The following PIGS variants were observed in gnomAD, a reference collection of about 807,000 sequenced individuals.
PIGS encodes the protein phosphatidylinositol glycan anchor biosynthesis class S.
PIGS carries 37 observed loss-of-function variants against 58.2 expected under a neutral mutation model. The observed-to-expected ratio is 0.64, with a 90% CI of 0.49 to 0.84. PIGS has a LOEUF of 0.84. Among genes scored for constraint, PIGS ranks in the 40% least tolerant of loss-of-function variants. PIGS has a pLI of 0.00. For synonymous variants in PIGS, 269 were observed against 289.2 expected (o/e 0.93, Z 0.71); for missense variants, 629 against 710.8 (o/e 0.88, Z 1.31).
At chr17:28,559,738 T>A (rs1421491312) in intron 7 of PIGS, among the ~76,000 whole-genome samples, 1 of 149,336 alleles carries the variant, frequency 6.7e-6, no homozygotes, top group African/African-American at 2.5e-5. Flanking sequence ...GTCATGGCAT[T>A]AACATCTAAG....
chr17:28,562,774 T>C (rs2070371345), intron 5 of PIGS, among the ~76,000 whole-genome samples: 1 of 149,736 alleles, frequency 6.7e-6, no homozygotes, highest in African/African-American at 2.5e-5. Flanking sequence ...TGCAATGGCA[T>C]GATATTAGCT....
rs766480312 is a variant in PIGS, at chr17:28,554,194, G to A, written c.*26C>T. 2 of 1,609,072 alleles carry A rather than the reference G, an allele frequency of 1.2e-6. No individual in the cohort carries two copies. The highest frequency in any genetic ancestry group is 2.2e-5 in the East Asian group (1 of 44,818). On this transcript the variant is annotated 3_prime_UTR_variant, in exon 12 of 12. Coordinates refer to ENST00000308360, the MANE Select transcript of PIGS (RefSeq NM_033198.4). The stretch of plus-strand genomic sequence containing the variant: ...ACCGCCCACCTTGGCCAGAAAGGAA[G>A]GCTTCCTATGGAGGTGCTGCCCTGC...
chr17:28,565,393 T>C (rs1452162236), intron 3 of PIGS, among the ~76,000 whole-genome samples: 1 of 152,202 alleles, frequency 6.6e-6, no homozygotes, highest in Non-Finnish European at 1.5e-5. Context: ...ATTATAAAGA[T>C]GTCATATTAT....
chr17:28,569,156 C>G (rs1265048088), intron 3 of PIGS, among the ~76,000 whole-genome samples: 7 of 148,764 alleles, frequency 4.7e-5, no homozygotes, highest in African/African-American at 1.5e-4. Flanking sequence ...GAGGCTGAAC[C>G]ATACGAAATA....
rs2070309910 is a variant in PIGS at position 28,554,211 on chromosome 17, C to T, written c.*9G>A. ...GAAAGGAAGGCTTCCTATGGAGGTG[C>T]TGCCCTGCTCAGTCTGTCTTCTCAG... On this transcript the variant is annotated 3_prime_UTR_variant, in exon 12 of 12. Transcript: ENST00000308360. 2 of 1,613,134 alleles carry T rather than the reference C, an allele frequency of 1.2e-6. No homozygotes were observed. Among genetic ancestry groups the T allele is most frequent in the Admixed American group, 3.3e-5 (2 of 59,992 alleles).
rs2070309203 is a variant in PIGS at position 28,554,152 on chromosome 17, G to A, written c.*68C>T. On this transcript the variant is annotated 3_prime_UTR_variant, in exon 12 of 12. Transcript: ENST00000308360. ...AGTCATTCCGGCAGGCCCCATGTAC[G>A]TGCCTCACAATCTAACACCGCCCAC... The A allele has an allele frequency of 9.6e-6, 15 of 1,567,208 alleles. 1 individual carries two copies. The highest frequency in any genetic ancestry group is 5.9e-5 in the South Asian group (5 of 85,172).
chr17:28,555,812 T>G, intron 10 of PIGS: 1 of 204,196 alleles, frequency 4.9e-6, no homozygotes. Context: ...CTACTAAAAT[T>G]ACAAAAAATT....
chr17:28,558,885 A>G (rs1408216174), intron 7 of PIGS, among the ~76,000 whole-genome samples: 1 of 152,264 alleles, frequency 6.6e-6, no homozygotes, highest in Non-Finnish European at 1.5e-5. Context: ...CAAGCCAGTT[A>G]TTCAGAAGCA....
chr17:28,561,327 G>T, intron 6 of PIGS, 95 bp downstream of exon 6: 2 of 1,037,622 alleles, frequency 1.9e-6, no homozygotes, highest in South Asian at 3.9e-5. Context: ...ATTGAGACTA[G>T]AGAAGAAAGG....
At position 28,560,109 on chromosome 17, in the gene PIGS, G is replaced by C. The variant is rs2070354200; in HGVS notation, c.759C>G (p.Arg253=). The C allele has an allele frequency of 6.2e-7, 1 of 1,613,512 alleles. No homozygotes were observed. The highest frequency in any genetic ancestry group is 8.5e-7 in the Non-Finnish European group (1 of 1,179,826). Residue 253 remains arginine (R), a synonymous_variant, in exon 7 of 12, where the codon CGC becomes CGG. Coordinates refer to ENST00000308360, the MANE Select transcript of PIGS (RefSeq NM_033198.4). ...VYWDIEGAVR[R]YVQPFLNALG... ...GGGCATTCAGGAAAGGTTGCACATA[G>C]CGCCGGACAGCCCCCTCAATGTCCC... is the stretch of plus-strand genomic sequence containing the variant.
chr17:28,569,768 A>C (rs1423716833), intron 3 of PIGS, among the ~76,000 whole-genome samples: 1 of 152,230 alleles, frequency 6.6e-6, no homozygotes, highest in East Asian at 1.9e-4. Flanking sequence ...GTGACCTTGC[A>C]CAAGTTAAAT....
Position 28,571,367 on chromosome 17 carries a change from C to T in PIGS, c.34+96G>A, listed in dbSNP as rs1319584149. 16 of 1,550,352 alleles carry T rather than the reference C, an allele frequency of 1.0e-5. No homozygotes were observed. In the East Asian group the frequency reaches 3.9e-4, roughly 37 times the overall value. On this transcript the variant is annotated intron_variant, in intron 1 of 11. Transcript: ENST00000308360. ...CGTCTGAAGAGACCCCCGAGCCCCC[C>T]GTCCGCGGGACCTCTCGCACACCAC... is the stretch of plus-strand genomic sequence containing the variant.
In PIGS at chr17:28,570,800, G is replaced by A. The variant is rs1003681380; in HGVS notation, c.286+52C>T. Reference sequence around the variant, plus strand: ...ACCCCCGCTCCTCCCACCCAACTCAGCTCTGAACTGAGCTCAGAGGCGAAA... The same window carrying A: ...ACCCCCGCTCCTCCCACCCAACTCAACTCTGAACTGAGCTCAGAGGCGAAA... On this transcript the variant is annotated intron_variant, in intron 3 of 11. Coordinates refer to ENST00000308360, the MANE Select transcript of PIGS (RefSeq NM_033198.4). The A allele has an allele frequency of 3.8e-6, 6 of 1,568,740 alleles. No homozygotes were observed. In the African/African-American group the frequency reaches 8.1e-5, roughly 21 times the overall value.
In PIGS at chr17:28,570,847, C is replaced by A. The variant is rs1322256243; in HGVS notation, c.286+5G>T. On this transcript the variant is annotated splice_donor_5th_base_variant and intron_variant, in intron 3 of 11. Coordinates refer to ENST00000308360, the MANE Select transcript of PIGS (RefSeq NM_033198.4). ...GAAAAGCAGCCCTGATCCCCAGTAACTCACATTTCAGAGGAATCTCTCTTT... is the reference window on the plus strand; with the variant it reads ...GAAAAGCAGCCCTGATCCCCAGTAAATCACATTTCAGAGGAATCTCTCTTT... The A allele has an allele frequency of 6.2e-7, 1 of 1,613,984 alleles. No homozygotes were observed. The highest frequency in any genetic ancestry group is 1.3e-5 in the African/African-American group (1 of 74,942).
At chr17:28,568,397 C>T (rs2070406007) in intron 3 of PIGS, among the ~76,000 whole-genome samples, 1 of 152,176 alleles carries the variant, frequency 6.6e-6, no homozygotes. Flanking sequence ...GCTACCACAT[C>T]CAGCTTTGTC....
intron 3 of PIGS, among the ~76,000 whole-genome samples, chr17:28,570,480 C>T (rs780082736): frequency 7.2e-5 from 11 of 152,200 alleles, no homozygotes; most frequent in Non-Finnish European, 1.5e-4. Flanking sequence ...CACTGCACTC[C>T]AGCCTGGGCG....
intron 3 of PIGS, among the ~76,000 whole-genome samples, chr17:28,564,524 G>C (rs1213517244): frequency 6.6e-6 from 1 of 152,058 alleles, no homozygotes; most frequent in African/African-American, 2.4e-5. Flanking sequence ...GACCAGCCTG[G>C]CCAACGTGAT....
chr17:28,570,828 C>T lies in PIGS; in HGVS notation c.286+24G>A, dbSNP rs139349664. On this transcript the variant is annotated intron_variant, in intron 3 of 11. Transcript: ENST00000308360. ...CTGAACTGAGCTCAGAGGCGAAAAG[C>T]AGCCCTGATCCCCAGTAACTCACAT... is the stretch of plus-strand genomic sequence containing the variant. 4.2e-4 allele frequency: 685 copies of T among 1,612,354 alleles called. No individual in the cohort carries two copies. In the African/African-American group the frequency reaches 7.9e-3, roughly 19 times the overall value.
intron 5 of PIGS, 60 bp from the exon 6 acceptor site, chr17:28,561,689 C>T (rs2151513107): frequency 2.0e-6 from 3 of 1,523,664 alleles, no homozygotes; most frequent in Middle Eastern, 1.7e-4. Flanking sequence ...CAAAAAGCAC[C>T]CTGGCTCCTA....
Sources: allele counts gnomAD v4.1 joint callset (sites outside exome capture counted in the v4.1 genomes callset), GRCh38; gene constraint gnomAD v4.1.1; transcripts MANE v1.5; gene names NCBI Gene and HGNC (gene_info 2026-07-23, HGNC 2026-07-21).